UROC1: variants seen among roughly 807,000 people sequenced by gnomAD.
UROC1 encodes the protein urocanate hydratase.
Under a neutral mutation model 89.5 loss-of-function variants are expected in UROC1, and 79 were observed. The ratio of observed to expected loss-of-function variants is 0.88; its 90% CI spans 0.74 to 1.06. The LOEUF (loss-of-function observed/expected upper bound fraction) is 1.06. Ranked by LOEUF, UROC1 falls within the 50% of genes least tolerant of loss-of-function variation. The pLI, the probability that UROC1 is intolerant of heterozygous loss-of-function variation, is 0.00. For synonymous variants in UROC1, 361 were observed against 354.8 expected, an observed-to-expected ratio of 1.02 and a Z score of -0.20; for missense variants, 885 against 907.8, an observed-to-expected ratio of 0.97 and a Z score of 0.32.
intron 13 of UROC1, among the ~76,000 whole-genome samples, chr3:126,498,872 G>C (rs1000186563): frequency 1.3e-5 from 2 of 152,100 alleles, no homozygotes; most frequent in Non-Finnish European, 2.9e-5. Context: ...CTTGGCCCAG[G>C]CTCCTCTCTG....
chr3:126,501,014 C>T lies in UROC1; in HGVS notation c.966-140G>A, dbSNP rs1320157728. 5.9e-6 allele frequency: 8 copies of T among 1,365,600 alleles called. No individual in the cohort carries two copies. The East Asian group carries it at 1.9e-4, about 32-fold the overall frequency. 84.6% of individuals were successfully genotyped at this position (1,365,600 alleles called of 1,614,324 possible). ...GCCCGAGCCAGACCCTGCTTTCCCC[C>T]TGGAAAGAGAACCTACGGGAAGGCT... is the stretch of plus-strand genomic sequence containing the variant. On this transcript the variant is annotated intron_variant, in intron 10 of 19. Coordinates refer to ENST00000290868, the MANE Select transcript of UROC1 (RefSeq NM_144639.3).
intron 5 of UROC1, 80 bp from the exon 6 acceptor site, chr3:126,507,883 T>C (rs911294353): frequency 3.1e-6 from 5 of 1,612,526 alleles, no homozygotes; most frequent in African/African-American, 1.3e-5. Flanking sequence ...ATGCACAGCG[T>C]TGGGGCACTG....
intron 1 of UROC1, among the ~76,000 whole-genome samples, chr3:126,513,377 G>A (rs73859508): frequency 0.057 from 8,734 of 152,268 alleles, 758 homozygotes; most frequent in African/African-American, 0.19. Flanking sequence ...ACCAGCTCTA[G>A]GCCGAGGATA....
At chr3:126,505,608 G>A in intron 8 of UROC1, 93 bp downstream of exon 8, 22 of 1,547,586 alleles carry the variant, frequency 1.4e-5, no homozygotes, top group South Asian at 4.7e-5. Context: ...GAGAAGGGGG[G>A]TCTGTGGTGT....
At chr3:126,489,570 A>G (rs1018005851) in intron 16 of UROC1, among the ~76,000 whole-genome samples, 195 bp from the exon 17 acceptor site, 7 of 152,184 alleles carry the variant, frequency 4.6e-5, no homozygotes, top group Non-Finnish European at 8.8e-5. Context: ...ACTCGTGTGT[A>G]ATACATGTGT....
At chr3:126,492,346 G>A in intron 16 of UROC1, 72 bp downstream of exon 16, 3 of 1,446,528 alleles carry the variant, frequency 2.1e-6, no homozygotes, top group Non-Finnish European at 2.9e-6. Flanking sequence ...GGCACACGCA[G>A]GAAGGCCCAA....
At chr3:126,508,368 C>G in intron 4 of UROC1, 48 bp downstream of exon 4, 1 of 1,590,812 alleles carries the variant, frequency 6.3e-7, no homozygotes, top group Non-Finnish European at 8.6e-7. Flanking sequence ...GAGGACCAGA[C>G]TAGAGGAAAG....
At chr3:126,498,810 C>T (rs1370834320) in intron 13 of UROC1, among the ~76,000 whole-genome samples, 1 of 152,186 alleles carries the variant, frequency 6.6e-6, no homozygotes, top group African/African-American at 2.4e-5. Context: ...GGCACATCTT[C>T]CAAAAGTCAT....
chr3:126,505,905 T>C (rs1936046754), intron 7 of UROC1, 40 bp downstream of exon 7: 1 of 784,372 alleles, frequency 1.3e-6, no homozygotes, highest in Non-Finnish European at 2.0e-6. Flanking sequence ...CCACCCCCCA[T>C]GCTGGGAAGC....
At chr3:126,490,643 C>A (rs1216236618) in intron 16 of UROC1, among the ~76,000 whole-genome samples, 1 of 151,392 alleles carries the variant, frequency 6.6e-6, no homozygotes, top group East Asian at 1.9e-4. Flanking sequence ...TGAGACCACG[C>A]CTGGGCTATG....
intron 16 of UROC1, among the ~76,000 whole-genome samples, chr3:126,490,529 A>G (rs894107338): frequency 6.6e-6 from 1 of 152,200 alleles, no homozygotes; most frequent in African/African-American, 2.4e-5. Flanking sequence ...CACTAAAAAT[A>G]CCTAAATTAG....
intron 13 of UROC1, among the ~76,000 whole-genome samples, chr3:126,498,584 G>A (rs917760081): frequency 2.6e-5 from 4 of 152,002 alleles, no homozygotes; most frequent in Non-Finnish European, 5.9e-5. Flanking sequence ...GGGCTGTCCT[G>A]GGGGGAGGAT....
At position 126,488,207 on chromosome 3, in the gene UROC1, C is replaced by A; in HGVS notation, c.1781G>T (p.Gly594Val). ...ATWVALHNGGGVGWGEVINGG... is the reference protein window; with the variant it reads ...ATWVALHNGGVVGWGEVINGG... ...TCTGAAACCTTCTTACCAGCCCACGCCCCCTCCGTTGTGAAGGGCGACCCA... is the reference window on the plus strand; with the variant it reads ...TCTGAAACCTTCTTACCAGCCCACGACCCCTCCGTTGTGAAGGGCGACCCA... The change falls in exon 18 of 20, where the codon GGC (glycine) becomes GTC (valine). Residue 594 changes from glycine (G) to valine (V), a missense_variant. Gly to Val is a moderately radical substitution (Grantham distance 109). Coordinates refer to ENST00000290868, the MANE Select transcript of UROC1 (RefSeq NM_144639.3). The A allele has an allele frequency of 1.9e-6, 3 of 1,614,226 alleles. No homozygotes were observed. Among genetic ancestry groups the A allele is most frequent in the Admixed American group, 3.3e-5 (2 of 60,032 alleles).
Position 126,507,948 on chromosome 3 carries a change from C to A in UROC1, c.540+19G>T. ...TTTGGAGCCCTGGGCAGGTGCTGTG[C>A]CACCTGCTGGGGACCCACCATCCCA... On this transcript the variant is annotated intron_variant, in intron 5 of 19. Coordinates refer to ENST00000290868, the MANE Select transcript of UROC1 (RefSeq NM_144639.3). 6.2e-7 allele frequency: 1 copy of A among 1,613,724 alleles called. No individual in the cohort carries two copies. Among genetic ancestry groups the A allele is most frequent in the Non-Finnish European group, 8.5e-7 (1 of 1,179,994 alleles).
chr3:126,513,402 A>G (rs897984677), intron 1 of UROC1, among the ~76,000 whole-genome samples: 2 of 152,190 alleles, frequency 1.3e-5, no homozygotes, highest in Non-Finnish European at 2.9e-5. Flanking sequence ...GACAGCCAGG[A>G]GCTGCAGCCA....
At chr3:126,491,083 A>G (rs1300356360) in intron 16 of UROC1, among the ~76,000 whole-genome samples, 1 of 152,186 alleles carries the variant, frequency 6.6e-6, no homozygotes, top group East Asian at 1.9e-4. Context: ...CACCTTCAAC[A>G]GGCCAGGCCT....
chr3:126,508,922 C>T (rs1007214362), intron 3 of UROC1, among the ~76,000 whole-genome samples: 8 of 152,248 alleles, frequency 5.3e-5, no homozygotes, highest in Non-Finnish European at 1.0e-4. Context: ...GCACATGGGG[C>T]CAGATCCATG....
intron 15 of UROC1, among the ~76,000 whole-genome samples, chr3:126,494,947 A>G (rs1464716252): frequency 2.6e-5 from 4 of 151,530 alleles, no homozygotes; most frequent in African/African-American, 9.7e-5. Context: ...GGCCTGCTCC[A>G]AACACTGCCA....
intron 18 of UROC1, among the ~76,000 whole-genome samples, chr3:126,487,234 T>G (rs1248360467): frequency 6.6e-6 from 1 of 152,192 alleles, no homozygotes; most frequent in Non-Finnish European, 1.5e-5. Context: ...CATCGCCAGC[T>G]CTGTGGCCCT....
Sources: gnomAD v4.1 joint callset for allele counts (sites outside exome capture counted in the v4.1 genomes callset) on GRCh38, gnomAD v4.1.1 for gene constraint, MANE v1.5 for transcripts, NCBI Gene and HGNC (gene_info 2026-07-23, HGNC 2026-07-21) for gene names.